Variants in ACTR1A observed in about 807,000 individuals in gnomAD.
The protein encoded by ACTR1A is actin related protein 1A.
A neutral mutation model predicts 50.7 loss-of-function variants in ACTR1A; 10 were observed. That is an observed-to-expected ratio of 0.20 (90% CI 0.12 to 0.33). The LOEUF (loss-of-function observed/expected upper bound fraction) is 0.33. ACTR1A is among the 10% of genes least tolerant of loss of function. The pLI is 1.00. For synonymous variants in ACTR1A, 177 were observed against 184.2 expected (o/e 0.96, Z 0.32); for missense variants, 253 against 491.7 (o/e 0.51, Z 4.59).
intron 4 of ACTR1A, among the ~76,000 whole-genome samples, chr10:102,486,778 TTTTC>T (rs1385995793): frequency 8.9e-5 from 13 of 145,972 alleles, no homozygotes; most frequent in East Asian, 2.0e-4. Flanking sequence ...CCTCTCTGCA[TTTTC>T]TTTCTTTCTT....
chr10:102,502,052 C>G (rs557558606), intron 1 of ACTR1A, among the ~76,000 whole-genome samples: 4 of 152,220 alleles, frequency 2.6e-5, no homozygotes, highest in South Asian at 2.1e-4. Context: ...AAAACTTAGC[C>G]GTTCTCCACC....
At chr10:102,490,320 C>CCA (rs2135584580) in intron 2 of ACTR1A, among the ~76,000 whole-genome samples, 2 of 151,526 alleles carry the variant, frequency 1.3e-5, no homozygotes, top group Admixed American at 1.3e-4. Context: ...AAGGAGGGCT[C>CCA]CACCAAGAGG....
intron 9 of ACTR1A, 89 bp from the exon 10 acceptor site, chr10:102,481,261 GA>G (rs1333722770): frequency 1.4e-6 from 2 of 1,393,752 alleles, no homozygotes; most frequent in Non-Finnish European, 1.9e-6. Flanking sequence ...CATGGCAGGG[GA>G]TACATTTTAC....
chr10:102,483,178 G>A, intron 6 of ACTR1A, 75 bp from the exon 7 acceptor site: 1 of 1,123,904 alleles, frequency 8.9e-7, no homozygotes, highest in Non-Finnish European at 1.4e-6. Context: ...GGGGAGGAAT[G>A]TGCTGCTGCA....
chr10:102,501,602 C>T (rs2902544), intron 1 of ACTR1A, among the ~76,000 whole-genome samples: 17,855 of 152,228 alleles, frequency 0.12, 1,508 homozygotes, highest in East Asian at 0.42. Context: ...AATATTGATG[C>T]TTCTGCATGG....
intron 6 of ACTR1A, 70 bp from the exon 7 acceptor site, chr10:102,483,173 G>A: frequency 8.6e-7 from 1 of 1,157,100 alleles, no homozygotes; most frequent in Non-Finnish European, 1.3e-6. Context: ...GCCCAGGGGA[G>A]GAATGTGCTG....
At position 102,479,664 on chromosome 10, in the gene ACTR1A, A is replaced by T. The variant is rs1274503139; in HGVS notation, c.*1199T>A. Reference sequence around the variant, plus strand: ...GTCAAGAATGGCACAAGATCAGCCCAGAGGGGGCCTTCCCACCTCTACAAC... The same window carrying T: ...GTCAAGAATGGCACAAGATCAGCCCTGAGGGGGCCTTCCCACCTCTACAAC... On this transcript the variant is annotated 3_prime_UTR_variant, in exon 11 of 11. Coordinates refer to ENST00000369905, the MANE Select transcript of ACTR1A (RefSeq NM_005736.4). The surrounding 1 kb of genome is among the most constrained non-coding windows in gnomAD (Gnocchi z 4.0). The T allele has an allele frequency of 7.8e-7, 1 of 1,289,518 alleles. No individual in the cohort carries two copies. Among genetic ancestry groups the T allele is most frequent in the East Asian group, 5.5e-5 (1 of 18,028 alleles). 79.9% of individuals were successfully genotyped at this position (1,289,518 alleles called of 1,614,324 possible). A position where few individuals can be genotyped will look rare whatever the true frequency, so the allele number is the denominator to read the frequency against.
chr10:102,493,394 ATC>A (rs913906240), intron 1 of ACTR1A, among the ~76,000 whole-genome samples: 2 of 152,204 alleles, frequency 1.3e-5, no homozygotes, highest in South Asian at 4.1e-4. Flanking sequence ...AGAGGATGAG[ATC>A]TGTCCTTCAG....
chr10:102,494,903 T>G (rs531824624), intron 1 of ACTR1A, among the ~76,000 whole-genome samples: 17 of 152,150 alleles, frequency 1.1e-4, no homozygotes, highest in African/African-American at 4.1e-4. Flanking sequence ...CTCCGCCTCC[T>G]GGATTTAAGC....
chr10:102,494,807 T>C (rs2062212403), intron 1 of ACTR1A, among the ~76,000 whole-genome samples: 1 of 151,790 alleles, frequency 6.6e-6, no homozygotes, highest in Admixed American at 6.6e-5. Context: ...AATATTAATT[T>C]TAATTTTAAT....
At position 102,479,408 on chromosome 10, in the gene ACTR1A, C is replaced by G. The variant is rs900296827; in HGVS notation, c.*1455G>C. On this transcript the variant is annotated 3_prime_UTR_variant, in exon 11 of 11. Transcript: ENST00000369905. This position sits in a 1 kb window ranked among gnomAD's most constrained non-coding sequence, Gnocchi z 4.0. Reference sequence around the variant, plus strand: ...CACATACCTGCTGCTGTGGCCCACACCTGGCAGGGGCCTTTGGTCATAGGA... The same window carrying G: ...CACATACCTGCTGCTGTGGCCCACAGCTGGCAGGGGCCTTTGGTCATAGGA... The G allele has an allele frequency of 5.3e-6, 2 of 375,262 alleles. No homozygotes were observed. The highest frequency in any genetic ancestry group is 7.4e-5 in the Admixed American group (2 of 27,126). 23.2% of individuals were successfully genotyped at this position (375,262 alleles called of 1,614,324 possible).
At chr10:102,491,713 C>A (rs1045238305) in intron 1 of ACTR1A, among the ~76,000 whole-genome samples, 14 of 152,178 alleles carry the variant, frequency 9.2e-5, no homozygotes, top group African/African-American at 3.1e-4. Flanking sequence ...ACACAGAGAC[C>A]AACCCTGTGC....
In ACTR1A at chr10:102,482,804, C is replaced by A; in HGVS notation, c.750+207G>T. ...CTAAAAAAAAAAATTGCAAAAGAAT[C>A]TCATAATGTTTTAAGAAAGTTTACG... is the stretch of plus-strand genomic sequence containing the variant. On this transcript the variant is annotated intron_variant, in intron 7 of 10. Transcript: ENST00000369905. The surrounding 1 kb of genome is among the most constrained non-coding windows in gnomAD (Gnocchi z 5.6). The A allele has an allele frequency of 1.8e-6, 1 of 567,970 alleles. No homozygotes were observed. The allele number at this position is 567,970 out of a possible 1,614,324, so 35.2% of individuals were successfully genotyped here. A position where few individuals can be genotyped will look rare whatever the true frequency, so the allele number is the denominator to read the frequency against.
chr10:102,492,862 G>C (rs1344622929), intron 1 of ACTR1A, among the ~76,000 whole-genome samples: 2 of 151,988 alleles, frequency 1.3e-5, no homozygotes, highest in African/African-American at 4.8e-5. Flanking sequence ...AAATTAGCCA[G>C]GTGTGCTACA....
At chr10:102,492,069 C>CCTT (rs774886879) in intron 1 of ACTR1A, among the ~76,000 whole-genome samples, 1 of 92,342 alleles carries the variant, frequency 1.1e-5, no homozygotes, top group Non-Finnish European at 1.9e-5. Context: ...CGTGCCCGGC[C>CCTT]TTTTTTTTTT....
rs577323520 is a variant in ACTR1A at position 102,479,374 on chromosome 10, T to G, written c.*1489A>C. 2.7e-6 allele frequency: 1 copy of G among 369,496 alleles called. No individual in the cohort carries two copies. The highest frequency in any genetic ancestry group is 7.4e-5 in the East Asian group (1 of 13,492). The allele number at this position is 369,496 out of a possible 1,614,324, so 22.9% of individuals were successfully genotyped here. Reference sequence around the variant, plus strand: ...GCACTGCAGTCCGCGGGGCGCTACGTTGCTTTCACACATACCTGCTGCTGT... The same window carrying G: ...GCACTGCAGTCCGCGGGGCGCTACGGTGCTTTCACACATACCTGCTGCTGT... On this transcript the variant is annotated 3_prime_UTR_variant, in exon 11 of 11. Transcript: ENST00000369905. This position sits in a 1 kb window ranked among gnomAD's most constrained non-coding sequence, Gnocchi z 4.0.
intron 1 of ACTR1A, among the ~76,000 whole-genome samples, chr10:102,501,531 T>C (rs959780217): frequency 6.6e-6 from 1 of 152,170 alleles, no homozygotes; most frequent in Non-Finnish European, 1.5e-5. Flanking sequence ...AATGCAGTCG[T>C]TTTACAATTT....
At chr10:102,489,190 A>G in intron 2 of ACTR1A, 52 bp from the exon 3 acceptor site, 2 of 1,386,262 alleles carry the variant, frequency 1.4e-6, no homozygotes, top group East Asian at 5.2e-5. Flanking sequence ...GACAGAACAC[A>G]GGAAGGATGT....
chr10:102,500,437 C>T (rs2062243438), intron 1 of ACTR1A, among the ~76,000 whole-genome samples: 1 of 152,106 alleles, frequency 6.6e-6, no homozygotes, highest in African/African-American at 2.4e-5. Context: ...GGCGAGGTGA[C>T]GGGCGCCTGT....
Sources: gnomAD v4.1 joint callset for allele counts (sites outside exome capture counted in the v4.1 genomes callset) on GRCh38, gnomAD v4.1.1 for gene constraint, Gnocchi (gnomAD v3.1) non-coding constraint, MANE v1.5 for transcripts, NCBI Gene and HGNC (gene_info 2026-07-23, HGNC 2026-07-21) for gene names.